Variants in LRRC7 observed in about 807,000 individuals in gnomAD.
The protein encoded by LRRC7 is leucine-rich repeat-containing protein 7.
Under a neutral mutation model 175.7 loss-of-function variants are expected in LRRC7, and 23 were observed. The ratio of observed to expected loss-of-function variants is 0.13; its 90% confidence interval spans 0.09 to 0.19. The LOEUF (loss-of-function observed/expected upper bound fraction) is 0.19, where lower values mean the gene tolerates loss of function less well. Among genes scored for constraint, LRRC7 ranks in the 10% least tolerant of loss-of-function variants. LRRC7 has a pLI of 1.00. For synonymous variants in LRRC7, 685 were observed against 680.9 expected, an observed-to-expected ratio of 1.01 and a Z score of -0.09; for missense variants, 1,354 against 1,904.7, an observed-to-expected ratio of 0.71 and a Z score of 5.38.
intron 6 of LRRC7, 115 bp downstream of exon 6, chr1:69,834,984 A>T (rs746559781): frequency 2.4e-5 from 17 of 711,152 alleles, no homozygotes; most frequent in Admixed American, 9.2e-5. Flanking sequence ...AGGCCTCATT[A>T]TTATTCAATA....
At chr1:69,624,853 T>C (rs1371536733) in intron 1 of LRRC7, among the ~76,000 whole-genome samples, 1 of 152,158 alleles carries the variant, frequency 6.6e-6, no homozygotes, top group Non-Finnish European at 1.5e-5. Flanking sequence ...TTTTCATTGA[T>C]CTATTTCTCA....
intron 1 of LRRC7, among the ~76,000 whole-genome samples, chr1:69,624,305 A>T (rs1651129273): frequency 6.6e-6 from 1 of 152,164 alleles, no homozygotes; most frequent in Non-Finnish European, 1.5e-5. Context: ...TATGTTTATT[A>T]GCCATTTGTA....
intron 2 of LRRC7, among the ~76,000 whole-genome samples, chr1:69,690,594 G>T (rs756242129): frequency 2.0e-5 from 3 of 152,102 alleles, no homozygotes; most frequent in African/African-American, 7.2e-5. Flanking sequence ...CCTTATGAAA[G>T]CTTCCCTGAT....
chr1:69,736,328 T>C (rs1181752643), intron 2 of LRRC7, among the ~76,000 whole-genome samples: 1 of 152,144 alleles, frequency 6.6e-6, no homozygotes, highest in Non-Finnish European at 1.5e-5. Context: ...TGCTAAGTCA[T>C]TTGGCTGTAC....
At chr1:69,923,943 A>G (rs1197773197) in intron 7 of LRRC7, among the ~76,000 whole-genome samples, 33 of 151,288 alleles carry the variant, frequency 2.2e-4, no homozygotes, top group Non-Finnish European at 4.0e-4. Flanking sequence ...TAGGTCTAAC[A>G]TTTAAGTCTT....
At chr1:69,816,615 T>C (rs2101175432) in intron 4 of LRRC7, among the ~76,000 whole-genome samples, 1 of 152,338 alleles carries the variant, frequency 6.6e-6, no homozygotes, top group African/African-American at 2.4e-5. Flanking sequence ...CATTTGACTA[T>C]GTTTAACTGA....
intron 8 of LRRC7, among the ~76,000 whole-genome samples, chr1:69,949,780 T>C (rs1221119301): frequency 6.6e-6 from 1 of 152,086 alleles, no homozygotes; most frequent in African/African-American, 2.4e-5. Context: ...TATTTTACTT[T>C]AATAGATAGT....
intron 2 of LRRC7, among the ~76,000 whole-genome samples, chr1:69,686,467 GT>G (rs1305261089): frequency 6.6e-6 from 1 of 152,120 alleles, no homozygotes; most frequent in Non-Finnish European, 1.5e-5. Flanking sequence ...AGTGGAAAGG[GT>G]AAAGGGACCT....
intron 2 of LRRC7, among the ~76,000 whole-genome samples, chr1:69,703,738 T>C (rs1427806869): frequency 6.6e-6 from 1 of 152,026 alleles, no homozygotes; most frequent in Non-Finnish European, 1.5e-5. Context: ...AGCATGTATA[T>C]GATGTTTATA....
intron 1 of LRRC7, among the ~76,000 whole-genome samples, chr1:69,583,052 T>G (rs1266670035): frequency 2.0e-5 from 3 of 152,050 alleles, no homozygotes; most frequent in Non-Finnish European, 4.4e-5. Flanking sequence ...ACAGTTTCTT[T>G]CAAGCACTGA....
chr1:69,617,184 A>G (rs1477638395), intron 1 of LRRC7, among the ~76,000 whole-genome samples: 3 of 152,126 alleles, frequency 2.0e-5, no homozygotes, highest in Non-Finnish European at 4.4e-5. Context: ...CACAGCTGTG[A>G]TAATTGAATG....
chr1:69,873,653 C>T (rs979368934), intron 7 of LRRC7: 13 of 367,192 alleles, frequency 3.5e-5, no homozygotes, highest in East Asian at 1.9e-4. Flanking sequence ...ATTTTTGGTG[C>T]GCTACCTGCT....
Position 70,038,827 on chromosome 1 carries a change from A to G in LRRC7, c.3003A>G (p.Ile1001Met), listed in dbSNP as rs1202973123. The part of the protein sequence containing the change: ...IDIGTYKVYN[I>M]PLENYASGSD... ...TTGGTACATATAAGGTGTATAACAT[A>G]CCATTAGAAAACTATGCTTCTGGGA... The change falls in exon 21 of 27, where the codon ATA (isoleucine) becomes ATG (methionine). Residue 1001 changes from isoleucine to methionine, a missense_variant. This residue lies in a region of LRRC7 where 1,032 missense variants were observed against 1,227.2 expected (regional missense o/e 0.84). Coordinates refer to ENST00000651989, the MANE Select transcript of LRRC7 (RefSeq NM_001370785.2). The G allele has an allele frequency of 6.2e-7, 1 of 1,614,098 alleles. No homozygotes were observed.
rs1264911797 is a variant in LRRC7 at position 69,869,107 on chromosome 1, A to T, written c.647+30824A>T. On this transcript the variant is annotated intron_variant, in intron 7 of 26. Transcript: ENST00000651989. ...TATGAATTTTGAGGGAACACAACTC[A>T]GCCCACAACGGGGAGTGATGTGGTT... Among the ~76,000 whole-genome samples, 3 of 152,100 alleles carry T rather than the reference A, an allele frequency of 2.0e-5. No individual in the cohort carries two copies. The East Asian group carries it at 5.8e-4, about 29-fold the overall frequency.
intron 2 of LRRC7, among the ~76,000 whole-genome samples, chr1:69,704,835 C>A (rs1663822936): frequency 6.6e-6 from 1 of 151,942 alleles, no homozygotes; most frequent in Non-Finnish European, 1.5e-5. Flanking sequence ...TAGTAAATTT[C>A]AAATTATCTT....
chr1:69,761,763 T>C lies in LRRC7; in HGVS notation c.303+1370T>C, dbSNP rs182648966. Among the ~76,000 whole-genome samples, 321 of 152,158 alleles carry C rather than the reference T, an allele frequency of 2.1e-3. 1 individual carries two copies. Among genetic ancestry groups the C allele is most frequent in the African/African-American group, 6.8e-3 (284 of 41,524 alleles). On this transcript the variant is annotated intron_variant, in intron 3 of 26. Transcript: ENST00000651989. ...TGGCACCGTATTCATCTCTGTTTCCTGGTACATGGGCAGGCATGATGAATT... is the reference window on the plus strand; with the variant it reads ...TGGCACCGTATTCATCTCTGTTTCCCGGTACATGGGCAGGCATGATGAATT...
intron 3 of LRRC7, among the ~76,000 whole-genome samples, chr1:69,776,925 G>T (rs749833846): frequency 6.6e-6 from 1 of 151,980 alleles, no homozygotes; most frequent in Non-Finnish European, 1.5e-5. Context: ...TGAATTAAAG[G>T]TTTTTTTCCT....
intron 11 of LRRC7, among the ~76,000 whole-genome samples, chr1:70,005,192 A>G (rs1655893920): frequency 6.6e-6 from 1 of 152,116 alleles, no homozygotes; most frequent in African/African-American, 2.4e-5. Context: ...GGTTAATAGT[A>G]GATAAAGGTC....
intron 4 of LRRC7, among the ~76,000 whole-genome samples, chr1:69,817,304 A>AT (rs1678715347): frequency 6.6e-6 from 1 of 151,584 alleles, no homozygotes; most frequent in South Asian, 2.1e-4. Context: ...TTTTGGGTTG[A>AT]TTTTTGTGTA....
Sources: gnomAD v4.1 joint callset for allele counts (sites outside exome capture counted in the v4.1 genomes callset) on GRCh38, gnomAD v4.1.1 for gene constraint, gnomAD v4.1.1 regional missense constraint, MANE v1.5 for transcripts, NCBI Gene and HGNC (gene_info 2026-07-23, HGNC 2026-07-21) for gene names.